CDH8: variants seen among roughly 807,000 people sequenced by gnomAD.
CDH8 encodes cadherin 8.
A neutral mutation model predicts 68.1 loss-of-function variants in CDH8; 17 were observed. The ratio of observed to expected loss-of-function variants is 0.25; its 90% CI spans 0.17 to 0.37. The LOEUF (loss-of-function observed/expected upper bound fraction) is 0.37. CDH8 is among the 10% of genes least tolerant of loss of function. CDH8 has a pLI of 1.00. For synonymous variants in CDH8, 372 were observed against 365.1 expected (o/e 1.02, Z -0.21); for missense variants, 763 against 999.3 (o/e 0.76, Z 3.19).
At chr16:61,753,939 T>C (rs1213888482) in intron 8 of CDH8, among the ~76,000 whole-genome samples, 3 of 152,236 alleles carry the variant, frequency 2.0e-5, no homozygotes, top group East Asian at 3.9e-4. Context: ...ATATATTACT[T>C]TTTTATTTGT....
At chr16:61,770,242 C>T (rs192582998) in intron 8 of CDH8, among the ~76,000 whole-genome samples, 33 of 152,016 alleles carry the variant, frequency 2.2e-4, no homozygotes, top group South Asian at 6.2e-4. Flanking sequence ...ATCTTAAATG[C>T]TGGTTTATTT....
intron 2 of CDH8, among the ~76,000 whole-genome samples, chr16:61,902,134 T>C (rs1963985712): frequency 6.6e-6 from 1 of 152,190 alleles, no homozygotes; most frequent in South Asian, 2.1e-4. Flanking sequence ...AGGAAAATCA[T>C]TCCCATTTTA....
intron 2 of CDH8, among the ~76,000 whole-genome samples, chr16:62,005,417 C>G (rs140473093): frequency 1.2e-4 from 19 of 152,246 alleles, no homozygotes; most frequent in East Asian, 9.7e-4. Context: ...CAAGGCAGTA[C>G]AGGCTTTTGA....
intron 9 of CDH8, among the ~76,000 whole-genome samples, chr16:61,720,490 T>C (rs1029159824): frequency 5.3e-5 from 8 of 150,940 alleles, no homozygotes; most frequent in African/African-American, 1.9e-4. Context: ...TTTTACACCA[T>C]TTTCTCTGTA....
intron 2 of CDH8, among the ~76,000 whole-genome samples, chr16:61,926,184 T>C (rs1964454191): frequency 1.3e-5 from 2 of 151,868 alleles, no homozygotes; most frequent in Non-Finnish European, 1.5e-5. Flanking sequence ...TGTGTGTGTG[T>C]GTGTGTGTAT....
intron 8 of CDH8, among the ~76,000 whole-genome samples, chr16:61,774,854 A>T (rs972374910): frequency 7.2e-5 from 11 of 152,208 alleles, no homozygotes; most frequent in Non-Finnish European, 1.3e-4. Context: ...GAAAATAAAC[A>T]CGTACAACAA....
At chr16:61,838,760 T>C (rs1413111935) in intron 4 of CDH8, among the ~76,000 whole-genome samples, 3 of 152,146 alleles carry the variant, frequency 2.0e-5, no homozygotes, top group Non-Finnish European at 4.4e-5. Context: ...AAAATCATTT[T>C]ATGCAGAGAA....
At chr16:61,663,871 T>C (rs1014303267) in intron 10 of CDH8, among the ~76,000 whole-genome samples, 2 of 152,032 alleles carry the variant, frequency 1.3e-5, no homozygotes, top group African/African-American at 2.4e-5. Context: ...ACTATATATA[T>C]GTGTGTGTAT....
At chr16:61,794,637 G>A (rs1961455910) in intron 7 of CDH8, among the ~76,000 whole-genome samples, 1 of 151,998 alleles carries the variant, frequency 6.6e-6, no homozygotes, top group South Asian at 2.1e-4. Context: ...GGGCCTTAAT[G>A]TTAGTGTCCT....
chr16:61,751,401 A>AAAAAAAAAAAC (rs1381544393), intron 8 of CDH8, among the ~76,000 whole-genome samples: 2 of 150,182 alleles, frequency 1.3e-5, no homozygotes, highest in African/African-American at 4.9e-5. Context: ...AAAAAAAAAA[A>AAAAAAAAAAAC]AAAAAAAAAA....
chr16:61,694,131 T>C (rs1053766454), intron 10 of CDH8, among the ~76,000 whole-genome samples: 72 of 152,292 alleles, frequency 4.7e-4, no homozygotes, highest in African/African-American at 1.7e-3. Context: ...TAATCTAAAA[T>C]TGACTTTTGT....
intron 2 of CDH8, among the ~76,000 whole-genome samples, chr16:61,902,111 A>G (rs1163299324): frequency 6.6e-6 from 1 of 152,160 alleles, no homozygotes; most frequent in Admixed American, 6.5e-5. Context: ...AGTTCTGACA[A>G]TTCGTCTAGT....
intron 2 of CDH8, among the ~76,000 whole-genome samples, chr16:61,929,227 T>C (rs1964502775): frequency 6.6e-6 from 1 of 152,144 alleles, no homozygotes; most frequent in African/African-American, 2.4e-5. Context: ...GGTTTTTACC[T>C]GTTGTAAACT....
intron 2 of CDH8, among the ~76,000 whole-genome samples, chr16:61,936,947 C>T (rs578180793): frequency 1.4e-4 from 21 of 152,258 alleles, no homozygotes; most frequent in African/African-American, 1.4e-4. Context: ...AATCACGTAT[C>T]TCTGGGAGAT....
At chr16:61,718,941 A>C (rs1381676178) in intron 9 of CDH8, among the ~76,000 whole-genome samples, 2 of 150,952 alleles carry the variant, frequency 1.3e-5, no homozygotes, top group Admixed American at 1.3e-4. Context: ...ATAGGTAAAT[A>C]AGAAATTTTA....
chr16:61,960,340 T>C (rs1461662222), intron 2 of CDH8, among the ~76,000 whole-genome samples: 5 of 81,964 alleles, frequency 6.1e-5, no homozygotes, highest in South Asian at 8.2e-4. Context: ...TATACACACA[T>C]ATATACATGT....
chr16:61,907,530 A>G (rs562085471), intron 2 of CDH8, among the ~76,000 whole-genome samples: 3 of 151,982 alleles, frequency 2.0e-5, no homozygotes, highest in African/African-American at 7.3e-5. Flanking sequence ...AATAGAAAAA[A>G]TTAGCTGGGC....
rs866894493 is a variant in CDH8, at chr16:61,705,745, A to C, written c.1654+8096T>G. 8.7e-4 allele frequency among the ~76,000 whole-genome samples: 129 copies of C among 147,822 alleles called. 1 individual carries two copies. In the Middle Eastern group the frequency reaches 0.014, roughly 16 times the overall value. ...CCAGGTTCACAAAATTGGGTTAAGG[A>C]GGAAACTTTGTTTGTGAAAGTATAG... On this transcript the variant is annotated intron_variant, in intron 10 of 11. Coordinates refer to ENST00000577390, the MANE Select transcript of CDH8 (RefSeq NM_001796.5).
chr16:61,760,489 T>C (rs1960435459), intron 8 of CDH8, among the ~76,000 whole-genome samples: 1 of 151,792 alleles, frequency 6.6e-6, no homozygotes, highest in African/African-American at 2.4e-5. Flanking sequence ...TTTTTTGAAT[T>C]TTTAGTAGAG....
Sources: gnomAD v4.1 joint callset for allele counts (sites outside exome capture counted in the v4.1 genomes callset) on GRCh38, gnomAD v4.1.1 for gene constraint, MANE v1.5 for transcripts, NCBI Gene and HGNC (gene_info 2026-07-23, HGNC 2026-07-21) for gene names.